Variants in CLSTN2 observed in about 807,000 individuals in gnomAD.
CLSTN2 encodes the protein calsyntenin-2.
A neutral mutation model predicts 101.2 loss-of-function variants in CLSTN2; 48 were observed. The observed-to-expected ratio is 0.47, with a 90% CI of 0.38 to 0.60. CLSTN2 has a LOEUF of 0.60. Among genes scored for constraint, CLSTN2 ranks in the 20% least tolerant of loss-of-function variants. The pLI, the probability that CLSTN2 is intolerant of heterozygous loss-of-function variation, is 0.00. For missense variants in CLSTN2, 1,160 were observed against 1,238.2 expected, an observed-to-expected ratio of 0.94 and a Z score of 0.95; for synonymous variants, 481 against 463.6, an observed-to-expected ratio of 1.04 and a Z score of -0.48.
At chr3:140,051,724 A>G (rs559411633) in intron 1 of CLSTN2, among the ~76,000 whole-genome samples, 3 of 152,308 alleles carry the variant, frequency 2.0e-5, no homozygotes, top group African/African-American at 7.2e-5. Flanking sequence ...CATCATTCAT[A>G]TCAGAGATGG....
At chr3:140,281,378 A>G (rs1013278419) in intron 2 of CLSTN2, among the ~76,000 whole-genome samples, 2 of 152,172 alleles carry the variant, frequency 1.3e-5, no homozygotes, top group African/African-American at 4.8e-5. Flanking sequence ...AAAAGCAAAA[A>G]CAAAAAAATA....
At chr3:140,545,137 G>C (rs1198736839) in intron 9 of CLSTN2, among the ~76,000 whole-genome samples, 1 of 152,144 alleles carries the variant, frequency 6.6e-6, no homozygotes, top group Non-Finnish European at 1.5e-5. Flanking sequence ...GGCTGAGGTA[G>C]AGCACCCCAG....
At chr3:140,163,180 C>G (rs1025168766) in intron 1 of CLSTN2, among the ~76,000 whole-genome samples, 1 of 152,136 alleles carries the variant, frequency 6.6e-6, no homozygotes. Context: ...TGCTGAAGAT[C>G]TACAATCAGT....
At chr3:140,160,986 G>A (rs1252350131) in intron 1 of CLSTN2, among the ~76,000 whole-genome samples, 1 of 152,190 alleles carries the variant, frequency 6.6e-6, no homozygotes, top group Non-Finnish European at 1.5e-5. Flanking sequence ...ATAACAAGCA[G>A]TCAAAGCTTA....
chr3:140,370,841 C>T (rs963644010), intron 2 of CLSTN2, among the ~76,000 whole-genome samples: 3 of 152,096 alleles, frequency 2.0e-5, no homozygotes, highest in Non-Finnish European at 4.4e-5. Context: ...TTATTTCTTC[C>T]ATCATAATCT....
intron 1 of CLSTN2, among the ~76,000 whole-genome samples, chr3:140,165,198 G>A (rs2010115910): frequency 6.6e-6 from 1 of 152,184 alleles, no homozygotes; most frequent in Non-Finnish European, 1.5e-5. Context: ...AAGTAATATA[G>A]GTTGTCTCTG....
intron 6 of CLSTN2, among the ~76,000 whole-genome samples, chr3:140,457,775 T>C (rs2108015085): frequency 6.6e-6 from 1 of 152,284 alleles, no homozygotes; most frequent in Admixed American, 6.5e-5. Context: ...ACTGAGTGCC[T>C]ACTATGTGTC....
intron 2 of CLSTN2, among the ~76,000 whole-genome samples, chr3:140,269,749 G>T (rs73867112): frequency 1.8e-3 from 275 of 152,260 alleles, no homozygotes; most frequent in African/African-American, 6.3e-3. Flanking sequence ...GCACCTACAG[G>T]GTACTTCTGA....
intron 1 of CLSTN2, among the ~76,000 whole-genome samples, chr3:139,995,475 G>A (rs931777713): frequency 1.3e-5 from 2 of 152,134 alleles, no homozygotes; most frequent in Non-Finnish European, 2.9e-5. Context: ...TTCTTCATTA[G>A]CAGTCTTTTC....
chr3:139,983,188 A>G (rs1935962522), intron 1 of CLSTN2, among the ~76,000 whole-genome samples: 1 of 152,032 alleles, frequency 6.6e-6, no homozygotes, highest in South Asian at 2.1e-4. Context: ...TTATATTCAT[A>G]TATTTCGATT....
intron 4 of CLSTN2, among the ~76,000 whole-genome samples, chr3:140,413,723 C>T (rs1328423607): frequency 1.3e-5 from 2 of 152,052 alleles, no homozygotes; most frequent in Non-Finnish European, 2.9e-5. Flanking sequence ...TGGGACTTAG[C>T]CCTGGGATGC....
chr3:140,179,280 A>G (rs984596488), intron 2 of CLSTN2, among the ~76,000 whole-genome samples: 1 of 151,338 alleles, frequency 6.6e-6, no homozygotes, highest in African/African-American at 2.4e-5. Context: ...CTCTTTTAAC[A>G]TTTTAGTATA....
intron 2 of CLSTN2, among the ~76,000 whole-genome samples, chr3:140,190,086 C>A (rs930702679): frequency 3.3e-5 from 5 of 152,102 alleles, no homozygotes; most frequent in African/African-American, 1.2e-4. Context: ...TATAAGGGAC[C>A]TAATTTTACT....
intron 2 of CLSTN2, among the ~76,000 whole-genome samples, chr3:140,398,334 T>C (rs2088204993): frequency 6.6e-6 from 1 of 152,212 alleles, no homozygotes; most frequent in Non-Finnish European, 1.5e-5. Flanking sequence ...ACTGTATCAT[T>C]AAAGTCATTC....
chr3:140,141,007 A>C (rs976474475), intron 1 of CLSTN2, among the ~76,000 whole-genome samples: 24 of 152,242 alleles, frequency 1.6e-4, no homozygotes, highest in Non-Finnish European at 4.4e-5. Flanking sequence ...CAAGGGCCCA[A>C]AGGCTCCTGA....
chr3:140,371,574 A>G (rs1334096068), intron 2 of CLSTN2, among the ~76,000 whole-genome samples: 1 of 152,184 alleles, frequency 6.6e-6, no homozygotes, highest in African/African-American at 2.4e-5. Flanking sequence ...GTTGGGTCTC[A>G]GTCCACACTC....
chr3:139,971,402 G>A (rs1371276492), intron 1 of CLSTN2, among the ~76,000 whole-genome samples: 2 of 152,198 alleles, frequency 1.3e-5, no homozygotes, highest in African/African-American at 4.8e-5. Flanking sequence ...CATTTATTGA[G>A]TGTTCCTCGG....
chr3:140,218,823 A>G (rs2107851368), intron 2 of CLSTN2, among the ~76,000 whole-genome samples: 1 of 152,276 alleles, frequency 6.6e-6, no homozygotes, highest in East Asian at 1.9e-4. Flanking sequence ...TTCTAATAAC[A>G]GAGTATGTGG....
chr3:140,030,338 T>G (rs1435725852), intron 1 of CLSTN2, among the ~76,000 whole-genome samples: 1 of 152,062 alleles, frequency 6.6e-6, no homozygotes, highest in Non-Finnish European at 1.5e-5. Context: ...TAGAATATAC[T>G]TCCTAGGATG....
Sources: allele counts gnomAD v4.1 joint callset (sites outside exome capture counted in the v4.1 genomes callset), GRCh38; gene constraint gnomAD v4.1.1; transcripts MANE v1.5; gene names NCBI Gene and HGNC (gene_info 2026-07-23, HGNC 2026-07-21).